The following SETX variants were observed in gnomAD, a reference collection of about 807,000 sequenced individuals.
The protein encoded by SETX is senataxin, also known as helicase senataxin.
A neutral mutation model predicts 227.2 loss-of-function variants in SETX; 90 were observed. That is an observed-to-expected ratio of 0.40 (90% CI 0.33 to 0.47). The LOEUF is 0.47. SETX is among the 20% of genes least tolerant of loss of function. The pLI is 0.91. For missense variants in SETX, 3,052 were observed against 3,181.5 expected (o/e 0.96, Z 0.98); for synonymous variants, 1,210 against 1,113.2 (o/e 1.09, Z -1.73).
upstream of SETX, among the ~76,000 whole-genome samples, chr9:132,355,629 C>T (rs1174402323): frequency 2.0e-5 from 3 of 152,084 alleles, no homozygotes; most frequent in Non-Finnish European, 2.9e-5. Flanking sequence ...CGCTTGAGCC[C>T]GGAGTTCAGA....
rs187322856 is a variant in SETX, at chr9:132,302,026, A to G, written c.5375-1223T>C. On this transcript the variant is annotated intron_variant, in intron 11 of 25. Coordinates refer to ENST00000224140, the MANE Select transcript of SETX (RefSeq NM_015046.7). The stretch of plus-strand genomic sequence containing the variant: ...ATTGTTAAAATGTCAGCTGTCCCCA[A>G]ATTAATCTTTAGAGTCAAAGCAATC... 4.6e-5 allele frequency among the ~76,000 whole-genome samples: 7 copies of G among 152,296 alleles called. No individual in the cohort carries two copies. The East Asian group carries it at 9.6e-4, about 21-fold the overall frequency.
At chr9:132,277,789 C>CAAA (rs372125008) in intron 21 of SETX, among the ~76,000 whole-genome samples, 9,591 of 67,726 alleles carry the variant, frequency 0.14, 889 homozygotes, top group East Asian at 0.22. Context: ...ACCCTGTCTT[C>CAAA]AAAAAAAAAA....
rs1209864825 is a variant in SETX, at chr9:132,326,283, T to C, written c.5274+41A>G. 9 of 1,446,512 alleles carry C rather than the reference T, an allele frequency of 6.2e-6. No individual in the cohort carries two copies. The South Asian group carries it at 1.0e-4, about 17-fold the overall frequency. The allele number at this position is 1,446,512 out of a possible 1,614,324, so 89.6% of individuals were successfully genotyped here. A position where few individuals can be genotyped will look rare whatever the true frequency, so the allele number is the denominator to read the frequency against. ...CACTCAGCAAGGTAAAGAGGTAACTTGAAAAGTTTGGAGAGGCATACAAAT... is the reference window on the plus strand; with the variant it reads ...CACTCAGCAAGGTAAAGAGGTAACTCGAAAAGTTTGGAGAGGCATACAAAT... On this transcript the variant is annotated intron_variant, in intron 10 of 25. Transcript: ENST00000224140.
intron 25 of SETX, among the ~76,000 whole-genome samples, chr9:132,267,367 C>A (rs1842696909): frequency 6.6e-6 from 1 of 152,196 alleles, no homozygotes; most frequent in African/African-American, 2.4e-5. Flanking sequence ...AGCAGATGGC[C>A]TTGCAATTTT....
At position 132,335,119 on chromosome 9, in the gene SETX, G is replaced by A. The variant is rs559534080; in HGVS notation, c.719-392C>T. On this transcript the variant is annotated intron_variant, in intron 6 of 25. Transcript: ENST00000224140. Reference sequence around the variant, plus strand: ...ATAGAAGTATTTTGAGGCCGGGCGTGGTGGCTCACACCTGTAATCCCAGCA... The same window carrying A: ...ATAGAAGTATTTTGAGGCCGGGCGTAGTGGCTCACACCTGTAATCCCAGCA... Among the ~76,000 whole-genome samples the A allele has an allele frequency of 3.9e-3, 599 of 152,116 alleles. 2 individuals carry two copies. The highest frequency in any genetic ancestry group is 4.7e-3 in the Non-Finnish European group (319 of 67,980).
chr9:132,328,181 T>G lies in SETX; in HGVS notation c.3417A>C (p.Glu1139Asp), dbSNP rs1252813991. The change falls in exon 10 of 26, where the codon GAA (glutamate) becomes GAC (aspartate). Residue 1139 changes from glutamate to aspartate, a missense_variant. Glu to Asp is a conservative substitution (Grantham distance 45). Coordinates refer to ENST00000224140, the MANE Select transcript of SETX (RefSeq NM_015046.7). ...EVVKKGAEGI[E>D]EHTRPRSISV... ...AAATACTCCGTGGTCTTGTGTGTTCTTCAATGCCCTCTGCTCCTTTTTTAA... is the reference window on the plus strand; with the variant it reads ...AAATACTCCGTGGTCTTGTGTGTTCGTCAATGCCCTCTGCTCCTTTTTTAA... The G allele has an allele frequency of 1.2e-6, 2 of 1,614,200 alleles. No individual in the cohort carries two copies. Among genetic ancestry groups the G allele is most frequent in the Admixed American group, 3.3e-5 (2 of 60,030 alleles).
At chr9:132,356,009 A>AT (rs1435521173), upstream of SETX, among the ~76,000 whole-genome samples, 1 of 147,604 alleles carries the variant, frequency 6.8e-6, no homozygotes, top group Non-Finnish European at 1.5e-5. Context: ...AAAAAAAAAA[A>AT]AAATTAGCAC....
chr9:132,264,572 T>C lies in SETX; in HGVS notation c.7701A>G (p.Gly2567=), dbSNP rs752527311. Residue 2567 remains glycine, a synonymous_variant, in exon 26 of 26, where the codon GGA becomes GGG. Transcript: ENST00000224140. The part of the protein sequence containing the change: ...DPQPSSPQHP[G]ATPPTGEPGF... ...CCGGCTCGCCCGTAGGAGGTGTTGC[T>C]CCAGGATGCTGGGGGCTCGAGGGTT... The C allele has an allele frequency of 1.9e-6, 3 of 1,614,160 alleles. No individual in the cohort carries two copies. The highest frequency in any genetic ancestry group is 1.7e-6 in the Non-Finnish European group (2 of 1,180,032).
At chr9:132,335,119 G>T (rs559534080) in intron 6 of SETX, among the ~76,000 whole-genome samples, 1 of 152,004 alleles carries the variant, frequency 6.6e-6, no homozygotes, top group Middle Eastern at 3.2e-3. Flanking sequence ...GGCCGGGCGT[G>T]GTGGCTCACA....
chr9:132,324,628 A>G (rs1199990352), intron 10 of SETX, among the ~76,000 whole-genome samples: 2 of 152,164 alleles, frequency 1.3e-5, no homozygotes, highest in African/African-American at 2.4e-5. Context: ...AGATCATACT[A>G]GAGTCCTTAT....
Position 132,300,659 on chromosome 9 carries a change from T to C in SETX, c.5519A>G (p.Tyr1840Cys). Residue 1840 changes from tyrosine (Y) to cysteine (C), a missense_variant, in exon 12 of 26, where the codon TAT becomes TGT. This residue lies in a region of SETX where 239 missense variants were observed against 272.1 expected (regional missense o/e 0.88). Transcript: ENST00000224140. Reference sequence around the variant, plus strand: ...TGACGTGCGGCGAAATTTATGAACATAACCAGAATGATATTCGTGGAGATC... The same window carrying C: ...TGACGTGCGGCGAAATTTATGAACACAACCAGAATGATATTCGTGGAGATC... ...IQDLHEYHSG[Y>C]VHKFRRTSVM... The C allele has an allele frequency of 6.2e-7, 1 of 1,613,798 alleles. No homozygotes were observed. Among genetic ancestry groups the C allele is most frequent in the Non-Finnish European group, 8.5e-7 (1 of 1,179,900 alleles).
rs12115462 is a variant in SETX at position 132,309,824 on chromosome 9, G to A, written c.5374+1933C>T. 5.5e-3 allele frequency among the ~76,000 whole-genome samples: 836 copies of A among 152,264 alleles called. 14 individuals carry two copies. The highest frequency in any genetic ancestry group is 0.019 in the African/African-American group (782 of 41,538). On this transcript the variant is annotated intron_variant, in intron 11 of 25. Transcript: ENST00000224140. ...GAGAGATCCTGATCCATGGGTGATG[G>A]GGGTGGGGGCAAAGGAAGGCAAGAG...
upstream of SETX, among the ~76,000 whole-genome samples, chr9:132,355,781 G>A (rs1848878370): frequency 6.6e-6 from 1 of 152,164 alleles, no homozygotes. Context: ...GAGGTCAGGA[G>A]TTCGAGACCA....
chr9:132,309,430 A>G (rs10793917), intron 11 of SETX, among the ~76,000 whole-genome samples: 37,999 of 152,068 alleles, frequency 0.25, 6,050 homozygotes, highest in East Asian at 0.67. Context: ...AGTCAGAAAC[A>G]AAACAAGAAA....
chr9:132,269,466 A>G (rs1482203610), intron 25 of SETX, 149 bp downstream of exon 25: 1 of 1,592,196 alleles, frequency 6.3e-7, no homozygotes, highest in Non-Finnish European at 8.6e-7. Flanking sequence ...TCACGTGTAC[A>G]CAAAAGCTCC....
intron 11 of SETX, among the ~76,000 whole-genome samples, chr9:132,311,492 C>CA (rs1845650887): frequency 6.6e-6 from 1 of 152,168 alleles, no homozygotes; most frequent in East Asian, 1.9e-4. Context: ...CAAATCCCTC[C>CA]ACTCACCCTC....
At chr9:132,312,512 G>A (rs892356107) in intron 10 of SETX, among the ~76,000 whole-genome samples, 3 of 152,164 alleles carry the variant, frequency 2.0e-5, no homozygotes, top group Admixed American at 6.5e-5. Flanking sequence ...TTGTCTAAAT[G>A]TAACAGTTAG....
In SETX at chr9:132,278,119, A is replaced by T. The variant is rs1421711725; in HGVS notation, c.6793T>A (p.Cys2265Ser). 1.9e-6 allele frequency: 3 copies of T among 1,614,150 alleles called. No homozygotes were observed. The highest frequency in any genetic ancestry group is 2.5e-6 in the Non-Finnish European group (3 of 1,180,004). ...TAAACATAATTAGAAGGGAAGAGGC[A>T]TATGTCTGGATGCATCCTGTACTGA... ...TVQYRMHPDI[C>S]LFPSNYVYNR... is the part of the protein sequence containing the mutation. The change falls in exon 21 of 26, where the codon TGC (cysteine) becomes AGC (serine). Residue 2265 changes from cysteine to serine, a missense_variant. Transcript: ENST00000224140.
chr9:132,270,138 C>T (rs1287109257), intron 24 of SETX, among the ~76,000 whole-genome samples: 84 of 103,416 alleles, frequency 8.1e-4, no homozygotes, highest in South Asian at 1.5e-3. Flanking sequence ...CACAGGTGGA[C>T]TCTAGAATGA....
Sources: gnomAD v4.1 joint callset for allele counts (sites outside exome capture counted in the v4.1 genomes callset) on GRCh38, gnomAD v4.1.1 for gene constraint, gnomAD v4.1.1 regional missense constraint, MANE v1.5 for transcripts, NCBI Gene and HGNC (gene_info 2026-07-23, HGNC 2026-07-21) for gene names.